Variants in ZBTB38 observed in about 807,000 individuals in gnomAD.
ZBTB38 encodes zinc finger and BTB domain containing 38, also known as zinc finger and BTB domain-containing protein 38.
In ZBTB38, 20 loss-of-function variants were observed where a neutral mutation model predicts 76.8. The observed-to-expected ratio is 0.26, with a 90% CI of 0.18 to 0.38. ZBTB38 has a LOEUF of 0.38. Ranked by LOEUF, ZBTB38 falls within the 10% of genes least tolerant of loss-of-function variation. ZBTB38 has a pLI of 1.00. For synonymous variants in ZBTB38, 504 were observed against 544.2 expected, an observed-to-expected ratio of 0.93 and a Z score of 1.03; for missense variants, 1,082 against 1,482.3, an observed-to-expected ratio of 0.73 and a Z score of 4.43.
At chr3:141,332,784 C>T (rs970544201) in intron 1 of ZBTB38, among the ~76,000 whole-genome samples, 1 of 152,118 alleles carries the variant, frequency 6.6e-6, no homozygotes, top group African/African-American at 2.4e-5. Context: ...TTTCAAGTAA[C>T]ATTAGCTTAA....
chr3:141,445,370 G>A lies in ZBTB38; in HGVS notation c.2982G>A (p.Gly994=), dbSNP rs1005782205. ...TCTGTGATGGAGACAAAGCAGTGGG[G>A]GCTGGAAACCAAGGAAGGCCCCACC... ...CELCDGDKAV[G]AGNQGRPHRH... The change falls in exon 6 of 6, where the codon GGG becomes GGA. Residue 994 remains glycine (G), a synonymous_variant. Transcript: ENST00000321464. The surrounding 1 kb of genome is among the most constrained non-coding windows in gnomAD (Gnocchi z 6.5). 6.8e-6 allele frequency: 11 copies of A among 1,614,024 alleles called. No homozygotes were observed. Among genetic ancestry groups the A allele is most frequent in the Admixed American group, 1.7e-5 (1 of 60,006 alleles).
At chr3:141,355,989 G>T (rs538164370) in intron 1 of ZBTB38, among the ~76,000 whole-genome samples, 1 of 151,916 alleles carries the variant, frequency 6.6e-6, no homozygotes, top group South Asian at 2.1e-4. Context: ...TGCTGGTAAG[G>T]CCGCAGCAGT....
chr3:141,336,265 T>G (rs1204385502), intron 1 of ZBTB38, among the ~76,000 whole-genome samples: 2 of 152,126 alleles, frequency 1.3e-5, no homozygotes, highest in African/African-American at 4.8e-5. Context: ...CTCAGAAATA[T>G]TCACATACTC....
At chr3:141,401,152 A>T (rs1428144186) in intron 4 of ZBTB38, among the ~76,000 whole-genome samples, 2 of 152,232 alleles carry the variant, frequency 1.3e-5, no homozygotes, top group Non-Finnish European at 2.9e-5. Flanking sequence ...GGTTTTGAGA[A>T]AGCTCTGATT....
At chr3:141,328,765 G>A (rs1230941925) in intron 1 of ZBTB38, among the ~76,000 whole-genome samples, 1 of 152,064 alleles carries the variant, frequency 6.6e-6, no homozygotes, top group South Asian at 2.1e-4. Context: ...TCTCTGCCTG[G>A]CACACAAGGC....
At chr3:141,331,779 G>A (rs73869583) in intron 1 of ZBTB38, among the ~76,000 whole-genome samples, 114 of 152,274 alleles carry the variant, frequency 7.5e-4, no homozygotes, top group African/African-American at 2.4e-3. Flanking sequence ...TCTGAGAAGC[G>A]CTGACCGAGC....
At chr3:141,354,578 T>C (rs535919873) in intron 1 of ZBTB38, among the ~76,000 whole-genome samples, 3 of 152,236 alleles carry the variant, frequency 2.0e-5, no homozygotes, top group Admixed American at 2.0e-4. Context: ...GGTCCAGTCC[T>C]TGTAGCTTTC....
intron 3 of ZBTB38, among the ~76,000 whole-genome samples, 193 bp downstream of exon 3, chr3:141,381,680 G>A (rs956378066): frequency 6.6e-6 from 1 of 152,222 alleles, no homozygotes; most frequent in African/African-American, 2.4e-5. Flanking sequence ...GGTGGAGCTG[G>A]TGGATTAGAA....
At chr3:141,399,846 C>G (rs1210707189) in intron 4 of ZBTB38, among the ~76,000 whole-genome samples, 3 of 152,018 alleles carry the variant, frequency 2.0e-5, no homozygotes, top group African/African-American at 7.2e-5. Context: ...TAACAGAAAC[C>G]TGTGTGGAGA....
chr3:141,343,243 AG>A (rs1472533965), intron 1 of ZBTB38, among the ~76,000 whole-genome samples: 2 of 152,114 alleles, frequency 1.3e-5, no homozygotes, highest in Non-Finnish European at 2.9e-5. Context: ...CTCAGGGAAA[AG>A]ATGGGTGATT....
intron 5 of ZBTB38, chr3:141,432,010 G>T: frequency 1.3e-6 from 1 of 797,082 alleles, no homozygotes; most frequent in East Asian, 1.3e-4. Context: ...TCTGATGCGT[G>T]TGTTTCTAAC....
At chr3:141,441,918 A>G (rs965325233) in intron 5 of ZBTB38, among the ~76,000 whole-genome samples, 7 of 151,920 alleles carry the variant, frequency 4.6e-5, no homozygotes, top group Admixed American at 2.6e-4. Context: ...TTTGTCTCAA[A>G]AAAAAAAAAA....
At chr3:141,391,926 T>C (rs1475810202) in intron 4 of ZBTB38, among the ~76,000 whole-genome samples, 3 of 152,186 alleles carry the variant, frequency 2.0e-5, no homozygotes, top group Non-Finnish European at 4.4e-5. Context: ...AGTGAGGTTT[T>C]TTTTCCTCTA....
In ZBTB38 at chr3:141,444,887, T is replaced by A. The variant is rs1217952363; in HGVS notation, c.2499T>A (p.Val833=). Residue 833 remains valine, a synonymous_variant, in exon 6 of 6, where the codon GTT becomes GTA. Transcript: ENST00000321464. This position sits in a 1 kb window ranked among gnomAD's most constrained non-coding sequence, Gnocchi z 5.1. ...CGGGAACCTCCACAAATAGTAATGT[T>A]GCACCCCTTTGCCAAATAACAGTGA... ...ALPGTSTNSN[V]APLCQITVKI... 6 of 1,614,144 alleles carry A rather than the reference T, an allele frequency of 3.7e-6. No homozygotes were observed. In the East Asian group the frequency reaches 1.3e-4, roughly 36 times the overall value.
chr3:141,347,379 C>G (rs1377612439), intron 1 of ZBTB38, among the ~76,000 whole-genome samples: 1 of 152,080 alleles, frequency 6.6e-6, no homozygotes, highest in Non-Finnish European at 1.5e-5. Context: ...CTTGACTGGA[C>G]AAGACATAAT....
intron 2 of ZBTB38, among the ~76,000 whole-genome samples, chr3:141,371,329 A>G (rs1944577082): frequency 1.3e-5 from 2 of 149,758 alleles, no homozygotes. Context: ...GAGATTACAG[A>G]CATGAGCCAT....
intron 1 of ZBTB38, among the ~76,000 whole-genome samples, chr3:141,325,215 G>A (rs750316728): frequency 6.6e-6 from 1 of 152,178 alleles, no homozygotes; most frequent in Non-Finnish European, 1.5e-5. Context: ...TAACCTTCCT[G>A]CCATTTAGTA....
upstream of ZBTB38, among the ~76,000 whole-genome samples, chr3:141,363,938 T>C (rs1379977619): frequency 6.6e-6 from 1 of 152,190 alleles, no homozygotes; most frequent in Non-Finnish European, 1.5e-5. Flanking sequence ...TCAAATATGA[T>C]GCCAAAAGTA....
At chr3:141,359,068 T>C (rs1286102847) in intron 1 of ZBTB38, among the ~76,000 whole-genome samples, 2 of 152,342 alleles carry the variant, frequency 1.3e-5, no homozygotes, top group African/African-American at 4.8e-5. Context: ...ACAAATGGCA[T>C]AAATGACAAA....
Sources: allele counts gnomAD v4.1 joint callset (sites outside exome capture counted in the v4.1 genomes callset), GRCh38; gene constraint gnomAD v4.1.1; non-coding constraint Gnocchi (gnomAD v3.1); transcripts MANE v1.5; gene names NCBI Gene and HGNC (gene_info 2026-07-23, HGNC 2026-07-21).